Variants in CCDC144A observed in about 807,000 individuals in gnomAD.
The protein encoded by CCDC144A is coiled-coil domain containing 144A.
Under a neutral mutation model 143.8 loss-of-function variants are expected in CCDC144A, and 41 were observed. The ratio of observed to expected loss-of-function variants is 0.29; its 90% confidence interval spans 0.22 to 0.37. The LOEUF is 0.37. CCDC144A is among the 10% of genes least tolerant of loss of function. CCDC144A has a pLI of 1.00. For missense variants in CCDC144A, 637 were observed against 1,488.8 expected, an observed-to-expected ratio of 0.43 and a Z score of 9.41; for synonymous variants, 242 against 517.9, an observed-to-expected ratio of 0.47 and a Z score of 7.23.
intron 15 of CCDC144A, among the ~76,000 whole-genome samples, chr17:16,770,928 A>G (rs1380784421): frequency 2.0e-5 from 3 of 152,250 alleles, no homozygotes; most frequent in Admixed American, 1.3e-4. Context: ...AAGCCTATCT[A>G]TAATGTTTTT....
chr17:16,690,480 C>G lies in CCDC144A; in HGVS notation c.80C>G (p.Pro27Arg), dbSNP rs750183409. The change falls in exon 1 of 17, where the codon CCT becomes CGT. Residue 27 changes from proline (P) to arginine (R), a missense_variant. Coordinates refer to ENST00000399273, the MANE Select transcript of CCDC144A (RefSeq NM_001382000.1). Reference protein sequence around the residue: ...KPAVYATRKTPSVGSQGDQWY... With the variant: ...KPAVYATRKTRSVGSQGDQWY... ...GCAGTCTACGCCACGAGGAAGACCC[C>G]TAGCGTCGGGAGCCAGGGGGACCAG... 39 of 1,613,494 alleles carry G rather than the reference C, an allele frequency of 2.4e-5. No homozygotes were observed. The highest frequency in any genetic ancestry group is 1.7e-4 in the Middle Eastern group (1 of 5,792).
At position 16,709,550 on chromosome 17, in the gene CCDC144A, A is replaced by G. The variant is rs374355538; in HGVS notation, c.1493A>G (p.Asp498Gly). ...TATCTACATGAAGAATTACAGCAAG[A>G]CATGCAAAAGTTTAAGAATGAGGTC... Reference protein sequence around the residue: ...EVYLHEELQQDMQKFKNEVNT... With the variant: ...EVYLHEELQQGMQKFKNEVNT... Residue 498 changes from aspartate to glycine, a missense_variant, in exon 5 of 17, where the codon GAC (aspartate) becomes GGC (glycine). Coordinates refer to ENST00000399273, the MANE Select transcript of CCDC144A (RefSeq NM_001382000.1). 21 of 1,611,562 alleles carry G rather than the reference A, an allele frequency of 1.3e-5. No individual in the cohort carries two copies. The highest frequency in any genetic ancestry group is 1.7e-5 in the Non-Finnish European group (20 of 1,179,652).
At chr17:16,691,388 C>T (rs536321951) in intron 1 of CCDC144A, among the ~76,000 whole-genome samples, 3 of 152,094 alleles carry the variant, frequency 2.0e-5, no homozygotes, top group Admixed American at 2.0e-4. Context: ...AAGCCATCAC[C>T]AGAATTCTGA....
intron 12 of CCDC144A, among the ~76,000 whole-genome samples, chr17:16,744,500 A>G (rs995833269): frequency 1.3e-5 from 2 of 151,908 alleles, no homozygotes; most frequent in African/African-American, 4.8e-5. Flanking sequence ...CTCCACTTTT[A>G]TGTCTTTTTT....
At chr17:16,702,853 G>T (rs541009943) in intron 2 of CCDC144A, among the ~76,000 whole-genome samples, 50 of 151,960 alleles carry the variant, frequency 3.3e-4, no homozygotes, top group African/African-American at 1.1e-3. Context: ...AGAATATAAG[G>T]TGAACGTGCA....
chr17:16,758,315 C>A (rs1915194855), intron 12 of CCDC144A, among the ~76,000 whole-genome samples: 1 of 152,270 alleles, frequency 6.6e-6, no homozygotes, highest in Non-Finnish European at 1.5e-5. Flanking sequence ...CACACACACA[C>A]AAGTTTCATT....
chr17:16,730,474 G>A (rs1232685750), intron 9 of CCDC144A, among the ~76,000 whole-genome samples: 1 of 129,478 alleles, frequency 7.7e-6, no homozygotes, highest in Non-Finnish European at 1.6e-5. Context: ...ATTCAGGCTC[G>A]TTTTTGATTC....
intron 15 of CCDC144A, chr17:16,766,909 T>TAGTAGTTCCA (rs1567612001): frequency 6.6e-5 from 10 of 152,286 alleles, no homozygotes; most frequent in Non-Finnish European, 1.5e-4. Flanking sequence ...AATGTTAATG[T>TAGTAGTTCCA]AGTAGTTCCA....
At position 16,690,405 on chromosome 17, in the gene CCDC144A, C is replaced by A; in HGVS notation, c.5C>A (p.Ala2Asp). Residue 2 changes from alanine (A) to aspartate (D), a missense_variant, in exon 1 of 17, where the codon GCC becomes GAC. Transcript: ENST00000399273. The stretch of plus-strand genomic sequence containing the variant: ...CGAGGCAGTAGCTCGCTACTGATGG[C>A]CTCCTGGGGTGGAGAAAAGCGGGGA... M[A>D]SWGGEKRGGA... The A allele has an allele frequency of 6.4e-7, 1 of 1,552,352 alleles. No individual in the cohort carries two copies. Among genetic ancestry groups the A allele is most frequent in the Non-Finnish European group, 8.7e-7 (1 of 1,149,596 alleles).
At chr17:16,698,179 C>G (rs573961125) in intron 2 of CCDC144A, among the ~76,000 whole-genome samples, 1 of 152,190 alleles carries the variant, frequency 6.6e-6, no homozygotes, top group South Asian at 2.1e-4. Flanking sequence ...GGGCCAGTGA[C>G]AGAACCCTGG....
At chr17:16,732,492 T>A in intron 10 of CCDC144A, 46 bp from the exon 11 acceptor site, 1 of 1,523,436 alleles carries the variant, frequency 6.6e-7, no homozygotes, top group South Asian at 1.2e-5. Context: ...CCTTTTAGAT[T>A]TTCTTTTTCA....
At chr17:16,748,042 T>C (rs1447867032) in intron 12 of CCDC144A, among the ~76,000 whole-genome samples, 1 of 152,184 alleles carries the variant, frequency 6.6e-6, no homozygotes, top group Non-Finnish European at 1.5e-5. Flanking sequence ...CTTTTTTCTT[T>C]AATTTTTTTC....
In CCDC144A at chr17:16,709,036, G is replaced by A. The variant is rs373055547; in HGVS notation, c.979G>A (p.Gly327Arg). The change falls in exon 5 of 17, where the codon GGA (glycine) becomes AGA (arginine). Residue 327 changes from glycine to arginine, a missense_variant. Gly to Arg is a moderately radical substitution (Grantham distance 125). Transcript: ENST00000399273. ...GCCACTACTTGATAACTCTACAAGA[G>A]GAACAGATGTAAAGGATATTCCCTT... ...EEPLLDNSTR[G>R]TDVKDIPFNL... 4 of 1,611,534 alleles carry A rather than the reference G, an allele frequency of 2.5e-6. No homozygotes were observed. Among genetic ancestry groups the A allele is most frequent in the African/African-American group, 2.7e-5 (2 of 74,826 alleles).
chr17:16,739,171 A>G (rs1457167006), intron 12 of CCDC144A, among the ~76,000 whole-genome samples: 5 of 135,838 alleles, frequency 3.7e-5, no homozygotes, highest in African/African-American at 9.0e-5. Context: ...AGAGTTCTTT[A>G]TATACCCTAG....
intron 15 of CCDC144A, 35 bp downstream of exon 15, chr17:16,764,210 C>G (rs780027910): frequency 1.3e-6 from 2 of 1,579,710 alleles, no homozygotes; most frequent in African/African-American, 2.7e-5. Flanking sequence ...GTTCAGATTT[C>G]TGATAGAATT....
intron 8 of CCDC144A, among the ~76,000 whole-genome samples, chr17:16,723,625 G>A (rs1269649688): frequency 6.6e-6 from 1 of 152,032 alleles, no homozygotes; most frequent in Non-Finnish European, 1.5e-5. Flanking sequence ...CCAATTCCTG[G>A]TTCATAGATC....
intron 2 of CCDC144A, among the ~76,000 whole-genome samples, chr17:16,702,859 G>A (rs910482512): frequency 4.6e-5 from 7 of 151,870 alleles, no homozygotes; most frequent in African/African-American, 1.2e-4. Context: ...TAAGGTGAAC[G>A]TGCAGCACCA....
chr17:16,770,416 T>C (rs1915781638), intron 15 of CCDC144A, among the ~76,000 whole-genome samples: 1 of 152,266 alleles, frequency 6.6e-6, no homozygotes, highest in African/African-American at 2.4e-5. Flanking sequence ...CCCAAAGTGC[T>C]GGGATTACAG....
At chr17:16,729,991 T>TATATACACACACAC (rs1491438660) in intron 9 of CCDC144A, among the ~76,000 whole-genome samples, 22 of 114,892 alleles carry the variant, frequency 1.9e-4, no homozygotes, top group African/African-American at 7.3e-4. Flanking sequence ...TATATATATA[T>TATATACACACACAC]ACACACATAC....
Sources: allele counts gnomAD v4.1 joint callset (sites outside exome capture counted in the v4.1 genomes callset), GRCh38; gene constraint gnomAD v4.1.1; transcripts MANE v1.5; gene names NCBI Gene and HGNC (gene_info 2026-07-23, HGNC 2026-07-21).